ROBO2: variants seen among roughly 807,000 people sequenced by gnomAD.
ROBO2 encodes the protein roundabout homolog 2.
ROBO2 carries 53 observed loss-of-function variants against 160.8 expected under a neutral mutation model. That is an observed-to-expected ratio of 0.33 (90% CI 0.26 to 0.41). ROBO2 has a LOEUF of 0.41. ROBO2 is among the 10% of genes least tolerant of loss of function. The pLI is 1.00. For synonymous variants in ROBO2, 664 were observed against 611.7 expected (o/e 1.09, Z -1.26); for missense variants, 1,577 against 1,722.4 (o/e 0.92, Z 1.49).
In ROBO2 at chr3:76,396,319, G is replaced by A. The variant is rs536570961; in HGVS notation, c.109+458717G>A. Among the ~76,000 whole-genome samples, 22 of 152,020 alleles carry A rather than the reference G, an allele frequency of 1.4e-4. 1 individual carries two copies. The South Asian group carries it at 2.9e-3, about 20-fold the overall frequency. On this transcript the variant is annotated intron_variant, in intron 2 of 26. Coordinates refer to the ROBO2 transcript ENST00000487694. ...AATAAATTAGGTATTGATGGGACGT[G>A]TCTCAAAATAATAAGAGCTATCTAT...
chr3:76,382,551 C>T (rs1054326052), intron 2 of ROBO2, among the ~76,000 whole-genome samples: 8 of 152,226 alleles, frequency 5.3e-5, no homozygotes, highest in African/African-American at 1.9e-4. Flanking sequence ...CGCGCCCCTG[C>T]ACTCCAGCCT....
chr3:77,547,971 A>T (rs2092765759), intron 7 of ROBO2, among the ~76,000 whole-genome samples: 1 of 151,882 alleles, frequency 6.6e-6, no homozygotes, highest in South Asian at 2.1e-4. Context: ...AGACACACAC[A>T]CATATACACA....
chr3:77,326,656 TG>T (rs993518594), intron 2 of ROBO2, among the ~76,000 whole-genome samples: 1 of 152,220 alleles, frequency 6.6e-6, no homozygotes, highest in African/African-American at 2.4e-5. Context: ...CACAAAGGTC[TG>T]GGGGAATTGT....
chr3:77,223,684 T>C (rs1261309996), intron 2 of ROBO2, among the ~76,000 whole-genome samples: 1 of 152,078 alleles, frequency 6.6e-6, no homozygotes, highest in Non-Finnish European at 1.5e-5. Flanking sequence ...CCTAAGTATA[T>C]TTAACACCTA....
intron 13 of ROBO2, among the ~76,000 whole-genome samples, chr3:77,573,741 C>A (rs560403374): frequency 4.6e-5 from 7 of 151,974 alleles, no homozygotes; most frequent in African/African-American, 1.7e-4. Context: ...TAAGCACTTA[C>A]GAATTCTTCA....
intron 1 of ROBO2, among the ~76,000 whole-genome samples, chr3:77,094,365 TG>T (rs1278376006): frequency 6.6e-6 from 1 of 152,248 alleles, no homozygotes; most frequent in African/African-American, 2.4e-5. Flanking sequence ...TATATGGATA[TG>T]GCACATTTTA....
intron 2 of ROBO2, among the ~76,000 whole-genome samples, chr3:76,290,657 C>T (rs1708757274): frequency 6.6e-6 from 1 of 152,000 alleles, no homozygotes; most frequent in South Asian, 2.1e-4. Flanking sequence ...AGTTGTGGGT[C>T]TGTCATAGAT....
chr3:77,224,037 T>C (rs765397173), intron 2 of ROBO2, among the ~76,000 whole-genome samples: 6 of 152,062 alleles, frequency 3.9e-5, no homozygotes, highest in Non-Finnish European at 5.9e-5. Context: ...TAAATTTCAG[T>C]AAATGAGTCT....
chr3:76,069,419 A>T (rs958297257), intron 2 of ROBO2, among the ~76,000 whole-genome samples: 1 of 152,162 alleles, frequency 6.6e-6, no homozygotes. Flanking sequence ...AGTAATTTAC[A>T]CTGACACTAC....
intron 2 of ROBO2, among the ~76,000 whole-genome samples, chr3:77,442,171 G>A (rs1020619910): frequency 2.3e-4 from 35 of 152,072 alleles, no homozygotes; most frequent in African/African-American, 8.5e-4. Flanking sequence ...AATTAGCTGG[G>A]CGTCATGGCG....
At chr3:76,613,953 T>C (rs2088356490) in intron 2 of ROBO2, among the ~76,000 whole-genome samples, 1 of 152,108 alleles carries the variant, frequency 6.6e-6, no homozygotes, top group Admixed American at 6.5e-5. Context: ...TTATACATTT[T>C]TTTTTCATGG....
At chr3:76,707,939 A>G (rs1292520837) in intron 2 of ROBO2, among the ~76,000 whole-genome samples, 2 of 152,032 alleles carry the variant, frequency 1.3e-5, no homozygotes, top group Non-Finnish European at 2.9e-5. Flanking sequence ...GTGAGCTGCT[A>G]TACAGCTGCT....
At chr3:76,889,859 A>G (rs1257150023) in intron 2 of ROBO2, among the ~76,000 whole-genome samples, 1 of 152,142 alleles carries the variant, frequency 6.6e-6, no homozygotes, top group Admixed American at 6.6e-5. Context: ...TTCTCTAGAA[A>G]AAGGTGGCAT....
intron 2 of ROBO2, among the ~76,000 whole-genome samples, chr3:77,410,658 T>TC (rs2076683941): frequency 7.3e-6 from 1 of 137,184 alleles, no homozygotes; most frequent in African/African-American, 2.8e-5. Flanking sequence ...CTCCTCCTCT[T>TC]CTTCCTCCTC....
chr3:76,937,492 A>G (rs537338057), intron 2 of ROBO2, among the ~76,000 whole-genome samples: 2 of 152,108 alleles, frequency 1.3e-5, no homozygotes, highest in Non-Finnish European at 2.9e-5. Context: ...ACTTAAGTAT[A>G]TTCTTTTTCT....
At chr3:76,678,857 TTA>T (rs1461020747) in intron 2 of ROBO2, among the ~76,000 whole-genome samples, 1 of 152,156 alleles carries the variant, frequency 6.6e-6, no homozygotes, top group Non-Finnish European at 1.5e-5. Context: ...ATGGAATAAT[TTA>T]TGAGTTTTTA....
chr3:77,019,476 T>C (rs944852957), intron 2 of ROBO2, among the ~76,000 whole-genome samples: 2 of 152,044 alleles, frequency 1.3e-5, no homozygotes, highest in Non-Finnish European at 2.9e-5. Flanking sequence ...ATGCAAACCA[T>C]AGCACAACTG....
intron 2 of ROBO2, among the ~76,000 whole-genome samples, chr3:77,391,552 C>T (rs577673279): frequency 3.3e-5 from 5 of 151,942 alleles, no homozygotes; most frequent in Non-Finnish European, 7.4e-5. Context: ...AACCATCAGA[C>T]ATGGTTTTAT....
At chr3:76,831,224 T>C (rs558463446) in intron 2 of ROBO2, among the ~76,000 whole-genome samples, 2 of 151,984 alleles carry the variant, frequency 1.3e-5, no homozygotes, top group South Asian at 4.2e-4. Context: ...TCCATACGAG[T>C]TTTTTGGATT....
Sources: allele counts gnomAD v4.1 joint callset (sites outside exome capture counted in the v4.1 genomes callset), GRCh38; gene constraint gnomAD v4.1.1; transcripts MANE v1.5; gene names NCBI Gene and HGNC (gene_info 2026-07-23, HGNC 2026-07-21).